Variants in KCTD16 observed in about 807,000 individuals in gnomAD.
The protein encoded by KCTD16 is potassium channel tetramerization domain containing 16, also known as BTB/POZ domain-containing protein KCTD16.
Under a neutral mutation model 33.2 loss-of-function variants are expected in KCTD16, and 13 were observed. The ratio of observed to expected loss-of-function variants is 0.39; its 90% CI spans 0.25 to 0.62. The LOEUF is 0.62. KCTD16 is among the 20% of genes least tolerant of loss of function. The pLI, the probability that KCTD16 is intolerant of heterozygous loss-of-function variation, is 0.50. For synonymous variants in KCTD16, 197 were observed against 195.3 expected, an observed-to-expected ratio of 1.01 and a Z score of -0.07; for missense variants, 441 against 525.1, an observed-to-expected ratio of 0.84 and a Z score of 1.57.
At chr5:144,267,700 A>G (rs1425388286) in intron 3 of KCTD16, among the ~76,000 whole-genome samples, 1 of 152,184 alleles carries the variant, frequency 6.6e-6, no homozygotes, top group Non-Finnish European at 1.5e-5. Flanking sequence ...AGGAGGCAAA[A>G]CAAAGAAGCA....
chr5:144,271,890 A>G (rs1209608839), intron 3 of KCTD16, among the ~76,000 whole-genome samples: 1 of 152,126 alleles, frequency 6.6e-6, no homozygotes, highest in Non-Finnish European at 1.5e-5. Flanking sequence ...CTGAAAAGGA[A>G]ATTACAAAAG....
chr5:144,398,699 C>A (rs1003589094), intron 3 of KCTD16, among the ~76,000 whole-genome samples: 1 of 151,234 alleles, frequency 6.6e-6, no homozygotes, highest in Admixed American at 6.6e-5. Flanking sequence ...ATATATTACA[C>A]ACACACACAC....
chr5:144,445,387 C>T (rs746184970), intron 3 of KCTD16, among the ~76,000 whole-genome samples: 1 of 151,972 alleles, frequency 6.6e-6, no homozygotes, highest in Admixed American at 6.6e-5. Flanking sequence ...GACTGCAATT[C>T]GAATCTCCTT....
At chr5:144,452,047 A>C (rs1460545165) in intron 3 of KCTD16, among the ~76,000 whole-genome samples, 1 of 150,436 alleles carries the variant, frequency 6.6e-6, no homozygotes, top group Non-Finnish European at 1.5e-5. Flanking sequence ...CCTCCCATCT[A>C]AGCCTTTAGC....
chr5:144,213,549 C>T (rs1055650957), intron 3 of KCTD16, among the ~76,000 whole-genome samples: 5 of 152,108 alleles, frequency 3.3e-5, no homozygotes, highest in African/African-American at 4.8e-5. Flanking sequence ...TGAACACACC[C>T]TCCTCAATCC....
chr5:144,213,047 CA>C (rs1206201476), intron 3 of KCTD16, among the ~76,000 whole-genome samples: 1 of 152,040 alleles, frequency 6.6e-6, no homozygotes, highest in Admixed American at 6.6e-5. Flanking sequence ...AGCAACATAA[CA>C]TCATTATATG....
At chr5:144,209,219 A>T (rs1001884890) in intron 3 of KCTD16, among the ~76,000 whole-genome samples, 15 of 152,332 alleles carry the variant, frequency 9.8e-5, no homozygotes, top group African/African-American at 3.6e-4. Context: ...ACCACATTGG[A>T]TTTATAGTCA....
chr5:144,419,714 G>T (rs73296054), intron 3 of KCTD16, among the ~76,000 whole-genome samples: 1 of 151,988 alleles, frequency 6.6e-6, no homozygotes, highest in East Asian at 1.9e-4. Flanking sequence ...TATTTAATGC[G>T]GTAGACACTG....
In KCTD16 at chr5:144,417,947, G is replaced by C. The variant is rs572997149; in HGVS notation, c.833-55713G>C. On this transcript the variant is annotated intron_variant, in intron 3 of 3. Coordinates refer to ENST00000512467, the MANE Select transcript of KCTD16 (RefSeq NM_020768.4). ...AGTGAGTGTTACAGTTCTTAAAGATGGTGTGTCCGGAGTTTGTTCCTTCTG... is the reference window on the plus strand; with the variant it reads ...AGTGAGTGTTACAGTTCTTAAAGATCGTGTGTCCGGAGTTTGTTCCTTCTG... Among the ~76,000 whole-genome samples the C allele has an allele frequency of 2.0e-5, 3 of 152,260 alleles. No homozygotes were observed. The South Asian group carries it at 6.2e-4, about 32-fold the overall frequency.
At position 144,478,093 on chromosome 5, in the gene KCTD16, A is replaced by C. The variant is rs1754632767; in HGVS notation, c.*3979A>C. 1 of 152,072 alleles carries C rather than the reference A, an allele frequency of 6.6e-6. No individual in the cohort carries two copies. The highest frequency in any genetic ancestry group is 1.5e-5 in the Non-Finnish European group (1 of 67,970). The allele number at this position is 152,072 out of a possible 1,614,324, so 9.4% of individuals were successfully genotyped here. On this transcript the variant is annotated 3_prime_UTR_variant, in exon 4 of 4. Coordinates refer to ENST00000512467, the MANE Select transcript of KCTD16 (RefSeq NM_020768.4). ...TGTCTTGGTATTGTTGGTGTCTTGCAATCTTGATGCCCCACAGTTTCAATT... is the reference window on the plus strand; with the variant it reads ...TGTCTTGGTATTGTTGGTGTCTTGCCATCTTGATGCCCCACAGTTTCAATT...
intron 3 of KCTD16, among the ~76,000 whole-genome samples, chr5:144,402,583 G>A (rs192348927): frequency 4.0e-4 from 61 of 152,140 alleles, no homozygotes; most frequent in Admixed American, 2.0e-3. Flanking sequence ...CTTTTATTAG[G>A]AATAATAAGA....
intron 3 of KCTD16, among the ~76,000 whole-genome samples, chr5:144,311,117 T>C (rs1751756030): frequency 6.6e-6 from 1 of 150,520 alleles, no homozygotes; most frequent in African/African-American, 2.4e-5. Context: ...CAATTTGGTC[T>C]CTAAGATTTG....
At chr5:144,470,509 C>G (rs1754445027) in intron 3 of KCTD16, among the ~76,000 whole-genome samples, 1 of 152,128 alleles carries the variant, frequency 6.6e-6, no homozygotes, top group South Asian at 2.1e-4. Context: ...CTGATCCTAT[C>G]TTTCTTTTTT....
chr5:144,247,946 T>C (rs1040178341), intron 3 of KCTD16, among the ~76,000 whole-genome samples: 4 of 152,184 alleles, frequency 2.6e-5, no homozygotes, highest in Admixed American at 6.5e-5. Context: ...TTTTCCATGC[T>C]CAGTGACTCT....
intron 3 of KCTD16, among the ~76,000 whole-genome samples, chr5:144,299,129 TATATATATATATA>T (rs1756162226): frequency 3.6e-5 from 1 of 28,002 alleles, no homozygotes; most frequent in Non-Finnish European, 5.6e-5. Context: ...TATATATATA[TATATATATATATA>T]TATATATTTT....
At position 144,479,994 on chromosome 5, in the gene KCTD16, A is replaced by C. The variant is rs907746068; in HGVS notation, c.*5880A>C. 2 of 151,984 alleles carry C rather than the reference A, an allele frequency of 1.3e-5. No homozygotes were observed. Among genetic ancestry groups the C allele is most frequent in the South Asian group, 2.1e-4 (1 of 4,830 alleles). 9.4% of individuals were successfully genotyped at this position (151,984 alleles called of 1,614,324 possible). ...TCCTCCATCTTATCAGTTTATTTTT[A>C]GAATTGACCTTTAGATAATTTACCT... On this transcript the variant is annotated 3_prime_UTR_variant, in exon 4 of 4. Coordinates refer to ENST00000512467, the MANE Select transcript of KCTD16 (RefSeq NM_020768.4).
At chr5:144,300,235 C>T (rs1270251999) in intron 3 of KCTD16, among the ~76,000 whole-genome samples, 1 of 152,158 alleles carries the variant, frequency 6.6e-6, no homozygotes, top group Non-Finnish European at 1.5e-5. Flanking sequence ...AGTAAATCTC[C>T]TGAGTCCCTG....
At chr5:144,386,613 T>C (rs1035877137) in intron 3 of KCTD16, among the ~76,000 whole-genome samples, 11 of 152,336 alleles carry the variant, frequency 7.2e-5, no homozygotes, top group Non-Finnish European at 1.3e-4. Context: ...ATGTCTGCAA[T>C]GACAGGGAAC....
At chr5:144,361,379 G>A (rs556767617) in intron 3 of KCTD16, among the ~76,000 whole-genome samples, 1 of 152,184 alleles carries the variant, frequency 6.6e-6, no homozygotes, top group East Asian at 1.9e-4. Flanking sequence ...TTAACCTCTT[G>A]TGGTCTTCCA....
Sources: allele counts gnomAD v4.1 joint callset (sites outside exome capture counted in the v4.1 genomes callset), GRCh38; gene constraint gnomAD v4.1.1; transcripts MANE v1.5; gene names NCBI Gene and HGNC (gene_info 2026-07-23, HGNC 2026-07-21).